The following ST3GAL3 variants were observed in gnomAD, a reference collection of about 807,000 sequenced individuals.
ST3GAL3 encodes CMP-N-acetylneuraminate-beta-1,4-galactoside alpha-2,3-sialyltransferase.
A neutral mutation model predicts 50.1 loss-of-function variants in ST3GAL3; 21 were observed. The ratio of observed to expected loss-of-function variants is 0.42; its 90% confidence interval spans 0.30 to 0.60. ST3GAL3 has a LOEUF of 0.60. Ranked by LOEUF, ST3GAL3 falls within the 20% of genes least tolerant of loss-of-function variation. ST3GAL3 has a pLI of 0.19. For synonymous variants in ST3GAL3, 183 were observed against 190.0 expected (o/e 0.96, Z 0.30); for missense variants, 353 against 489.4 (o/e 0.72, Z 2.63).
chr1:43,784,585 C>A (rs958090730), intron 2 of ST3GAL3, among the ~76,000 whole-genome samples: 1 of 152,208 alleles, frequency 6.6e-6, no homozygotes, highest in East Asian at 1.9e-4. Context: ...TTATTTGAAT[C>A]TCTCTATTAT....
At chr1:43,809,431 A>G (rs545370153) in intron 3 of ST3GAL3, among the ~76,000 whole-genome samples, 1 of 152,326 alleles carries the variant, frequency 6.6e-6, no homozygotes, top group East Asian at 1.9e-4. Flanking sequence ...GCTGGGTGCA[A>G]TGGCTTACAT....
At chr1:43,895,581 A>C (rs2077278867) in intron 6 of ST3GAL3, among the ~76,000 whole-genome samples, 1 of 152,166 alleles carries the variant, frequency 6.6e-6, no homozygotes, top group South Asian at 2.1e-4. Context: ...AATTACATAA[A>C]ATAACTGCTA....
intron 2 of ST3GAL3, among the ~76,000 whole-genome samples, chr1:43,773,003 T>A (rs1695879176): frequency 6.6e-6 from 1 of 152,204 alleles, no homozygotes; most frequent in African/African-American, 2.4e-5. Flanking sequence ...CGCCTTGGCC[T>A]CCCAAAGTGC....
At chr1:43,831,023 T>C (rs144769449) in intron 4 of ST3GAL3, among the ~76,000 whole-genome samples, 159 of 152,336 alleles carry the variant, frequency 1.0e-3, no homozygotes, top group African/African-American at 3.7e-3. Flanking sequence ...CACATTGCTG[T>C]AGGTATTCAC....
Position 43,729,271 on chromosome 1 carries a change from G to A in ST3GAL3, c.-30-6962G>A, listed in dbSNP as rs137883827. Among the ~76,000 whole-genome samples the A allele has an allele frequency of 6.9e-3, 1,048 of 151,748 alleles. 5 individuals are homozygous for A. The highest frequency in any genetic ancestry group is 0.013 in the Admixed American group (203 of 15,226). On this transcript the variant is annotated intron_variant, in intron 1 of 11. Transcript: ENST00000347631. ...CGCCCAGCTATCGAGACAATTTTTT[G>A]TAAAGACTATATTGCCCAGGCTGGT... is the stretch of plus-strand genomic sequence containing the variant.
At chr1:43,911,450 A>G (rs1029146753) in intron 9 of ST3GAL3, among the ~76,000 whole-genome samples, 24 of 151,500 alleles carry the variant, frequency 1.6e-4, no homozygotes, top group African/African-American at 5.6e-4. Flanking sequence ...CAGGATTCCA[A>G]ATTCAAACCT....
At chr1:43,926,326 C>T (rs1020982342) in intron 11 of ST3GAL3, among the ~76,000 whole-genome samples, 4 of 152,188 alleles carry the variant, frequency 2.6e-5, no homozygotes, top group African/African-American at 4.8e-5. Context: ...CGGTCCCTCA[C>T]GCCTGTAATC....
At chr1:43,804,386 T>C (rs1442478313) in intron 3 of ST3GAL3, among the ~76,000 whole-genome samples, 1 of 152,200 alleles carries the variant, frequency 6.6e-6, no homozygotes, top group East Asian at 1.9e-4. Context: ...GCTTAAATTT[T>C]CCTGCTAGTC....
intron 5 of ST3GAL3, among the ~76,000 whole-genome samples, chr1:43,860,489 C>T (rs539069571): frequency 3.9e-5 from 6 of 152,224 alleles, no homozygotes; most frequent in African/African-American, 9.6e-5. Context: ...GAGACCCCAG[C>T]GTGGCCAAGG....
chr1:43,817,730 TCCC>T (rs1558439630), intron 4 of ST3GAL3, among the ~76,000 whole-genome samples: 7 of 89,976 alleles, frequency 7.8e-5, no homozygotes, highest in East Asian at 5.0e-4. Flanking sequence ...CTTCTCCTCC[TCCC>T]CCTCCTCCTC....
chr1:43,751,934 TCA>T (rs1478283296), intron 2 of ST3GAL3, among the ~76,000 whole-genome samples: 1 of 151,812 alleles, frequency 6.6e-6, no homozygotes, highest in Non-Finnish European at 1.5e-5. Context: ...TTCTCCTGTC[TCA>T]GTTTCCTCAG....
chr1:43,800,812 T>C (rs2154161467), intron 3 of ST3GAL3, among the ~76,000 whole-genome samples: 1 of 152,320 alleles, frequency 6.6e-6, no homozygotes, highest in East Asian at 1.9e-4. Context: ...TGACAGCCCA[T>C]TTGGAACTAT....
chr1:43,905,946 C>T (rs1424371638), intron 9 of ST3GAL3, among the ~76,000 whole-genome samples: 4 of 83,170 alleles, frequency 4.8e-5, no homozygotes, highest in South Asian at 6.3e-4. Flanking sequence ...CCTCCTCCTG[C>T]TCCTCTCCCA....
At chr1:43,872,598 A>G (rs1558668444) in intron 5 of ST3GAL3, among the ~76,000 whole-genome samples, 2 of 152,076 alleles carry the variant, frequency 1.3e-5, no homozygotes, top group South Asian at 4.1e-4. Context: ...ACGAGGTAGT[A>G]GGTATTATTA....
intron 4 of ST3GAL3, among the ~76,000 whole-genome samples, chr1:43,827,019 T>C (rs1405513282): frequency 6.6e-6 from 1 of 152,176 alleles, no homozygotes; most frequent in Non-Finnish European, 1.5e-5. Context: ...CCCCTAAGAT[T>C]GAGATAAAAC....
At chr1:43,831,317 C>T (rs1202375435) in intron 4 of ST3GAL3, among the ~76,000 whole-genome samples, 2 of 152,196 alleles carry the variant, frequency 1.3e-5, no homozygotes, top group East Asian at 1.9e-4. Flanking sequence ...GGCCAAATAA[C>T]GTTTTGCAAG....
At chr1:43,830,480 C>T (rs2063400954) in intron 4 of ST3GAL3, among the ~76,000 whole-genome samples, 1 of 152,192 alleles carries the variant, frequency 6.6e-6, no homozygotes, top group African/African-American at 2.4e-5. Context: ...CTGGTTTGTA[C>T]TGTGGCTTTG....
Position 43,930,311 on chromosome 1 carries a change from G to T in ST3GAL3, c.*90G>T. 7.5e-7 allele frequency: 1 copy of T among 1,334,828 alleles called. No homozygotes were observed. 82.7% of individuals were successfully genotyped at this position (1,334,828 alleles called of 1,614,324 possible). A position where few individuals can be genotyped will look rare whatever the true frequency, so the allele number is the denominator to read the frequency against. ...ACAGGAGTCTTCAGACCCAGAGAAG[G>T]ACGGTGCCAAGGGCCCCAGGGGCAG... On this transcript the variant is annotated 3_prime_UTR_variant, in exon 12 of 12. Transcript: ENST00000347631.
At position 43,857,582 on chromosome 1, in the gene ST3GAL3, CCCTCCCTTCCTTCCTTCCTTCCTT is replaced by C. The variant is rs1220880047; in HGVS notation, c.302+19275_302+19298del. Among the ~76,000 whole-genome samples the C allele has an allele frequency of 4.8e-3, 448 of 93,838 alleles. 4 individuals carry two copies. The highest frequency in any genetic ancestry group is 0.019 in the African/African-American group (424 of 22,440). 61.6% of individuals were successfully genotyped at this position (93,838 alleles called of 152,430 possible). A position where few individuals can be genotyped will look rare whatever the true frequency, so the allele number is the denominator to read the frequency against. On this transcript the variant is annotated intron_variant, in intron 5 of 11. Transcript: ENST00000347631. ...TTCCTTCCTTCTTTCTTTCCTTCCT[CCCTCCCTTCCTTCCTTCCTTCCTT>C]CCTTCCTTCCTTCCTTCCTTCCTTC... is the stretch of plus-strand genomic sequence containing the variant.
Sources: gnomAD v4.1 joint callset for allele counts (sites outside exome capture counted in the v4.1 genomes callset) on GRCh38, gnomAD v4.1.1 for gene constraint, MANE v1.5 for transcripts, NCBI Gene and HGNC (gene_info 2026-07-23, HGNC 2026-07-21) for gene names.